The following TET1 variants were observed in gnomAD, a reference collection of about 807,000 sequenced individuals.
TET1 encodes methylcytosine dioxygenase TET1.
Under a neutral mutation model 148.7 loss-of-function variants are expected in TET1, and 13 were observed. That is an observed-to-expected ratio of 0.09 (90% confidence interval 0.06 to 0.14). The LOEUF (loss-of-function observed/expected upper bound fraction) is 0.14, where lower values mean the gene tolerates loss of function less well. Ranked by LOEUF, TET1 falls within the 10% of genes least tolerant of loss-of-function variation. The probability of loss-of-function intolerance (pLI) is 1.00; values close to 1 mark genes in which losing one functional copy is unlikely to be tolerated. For missense variants in TET1, 2,182 were observed against 2,553.8 expected, an observed-to-expected ratio of 0.85 and a Z score of 3.14; for synonymous variants, 907 against 937.2, an observed-to-expected ratio of 0.97 and a Z score of 0.59.
chr10:68,608,895 T>C (rs1373947075), intron 3 of TET1, among the ~76,000 whole-genome samples: 2 of 152,164 alleles, frequency 1.3e-5, no homozygotes, highest in Non-Finnish European at 2.9e-5. Context: ...TCTCAAATGT[T>C]GCCCAGGGTG....
rs574232899 is a variant in TET1, at chr10:68,694,070, G to C, written c.*2256G>C. On this transcript the variant is annotated 3_prime_UTR_variant, in exon 12 of 12. Transcript: ENST00000373644. ...AGTATAATCCATGGTAATGTATGCAGTAATTCAAATTGATCTCTCTCTCAA... is the reference window on the plus strand; with the variant it reads ...AGTATAATCCATGGTAATGTATGCACTAATTCAAATTGATCTCTCTCTCAA... 12 of 232,038 alleles carry C rather than the reference G, an allele frequency of 5.2e-5. No homozygotes were observed. The South Asian group carries it at 2.0e-3, about 38-fold the overall frequency. 14.4% of individuals were successfully genotyped at this position (232,038 alleles called of 1,614,324 possible).
chr10:68,621,725 A>G (rs1202815307), intron 3 of TET1, among the ~76,000 whole-genome samples: 2 of 152,178 alleles, frequency 1.3e-5, no homozygotes, highest in African/African-American at 4.8e-5. Context: ...ACTTTAATAA[A>G]ATCAAAGAAA....
At chr10:68,614,993 G>A (rs868837648) in intron 3 of TET1, among the ~76,000 whole-genome samples, 1 of 151,346 alleles carries the variant, frequency 6.6e-6, no homozygotes, top group African/African-American at 2.4e-5. Context: ...ACTCCAACGT[G>A]GTGTGATATC....
rs71019047 is a variant in TET1, at chr10:68,652,845, A to ATTT, written c.4461+274_4461+276dup. 8.1e-4 allele frequency among the ~76,000 whole-genome samples: 82 copies of ATTT among 101,204 alleles called. 1 individual carries two copies. The highest frequency in any genetic ancestry group is 9.2e-4 in the Non-Finnish European group (49 of 53,472). 66.4% of individuals were successfully genotyped at this position (101,204 alleles called of 152,430 possible). On this transcript the variant is annotated intron_variant, in intron 6 of 11. Transcript: ENST00000373644. ...TAAGACTTGCCACCAAACCCGGCTA[A>ATTT]TTTTTTTTTTTTTTTTTTTTTTTTT...
chr10:68,627,697 C>T (rs903064706), intron 3 of TET1, among the ~76,000 whole-genome samples: 4 of 151,354 alleles, frequency 2.6e-5, no homozygotes, highest in African/African-American at 4.9e-5. Context: ...GAGGCCGAGA[C>T]GGCAAATCAC....
chr10:68,561,518 T>C (rs1043560273), intron 1 of TET1, among the ~76,000 whole-genome samples: 2 of 152,056 alleles, frequency 1.3e-5, no homozygotes, highest in Admixed American at 6.6e-5. Context: ...ATCCCATCAG[T>C]CCCCGTCTGG....
intron 6 of TET1, among the ~76,000 whole-genome samples, chr10:68,659,509 G>A (rs1316969217): frequency 6.6e-6 from 1 of 151,974 alleles, no homozygotes. Context: ...AGTAGAGGTG[G>A]GGTTTCACCA....
Position 68,694,200 on chromosome 10 carries a change from A to G in TET1, c.*2386A>G, listed in dbSNP as rs2055627324. The G allele has an allele frequency of 4.3e-6, 1 of 232,702 alleles. No individual in the cohort carries two copies. The highest frequency in any genetic ancestry group is 8.5e-6 in the Non-Finnish European group (1 of 117,754). The allele number at this position is 232,702 out of a possible 1,614,324, so 14.4% of individuals were successfully genotyped here. ...TACCAAAACAAGTATTTGAAAATATATAGTATCAACTGAAATGTTTCCATT... is the reference window on the plus strand; with the variant it reads ...TACCAAAACAAGTATTTGAAAATATGTAGTATCAACTGAAATGTTTCCATT... On this transcript the variant is annotated 3_prime_UTR_variant, in exon 12 of 12. Coordinates refer to ENST00000373644, the MANE Select transcript of TET1 (RefSeq NM_030625.3).
rs1346578352 is a variant in TET1, at chr10:68,645,820, T to C, written c.3091T>C (p.Cys1031Arg). ...IAQGIITLDNCSNDLHQLPPR... is the reference protein window; with the variant it reads ...IAQGIITLDNRSNDLHQLPPR... ...TCAAGGGATAATTACTCTTGACAAT[T>C]GTTCCAATGATTTGCATCAGTTGCC... Residue 1031 changes from cysteine (C) to arginine (R), a missense_variant, in exon 4 of 12, where the codon TGT becomes CGT. Physicochemically the swap from Cys to Arg is radical, Grantham distance 180. Transcript: ENST00000373644. 2.5e-6 allele frequency: 4 copies of C among 1,613,986 alleles called. No homozygotes were observed. The highest frequency in any genetic ancestry group is 3.4e-6 in the Non-Finnish European group (4 of 1,180,004).
At chr10:68,636,516 G>C (rs1288865691) in intron 3 of TET1, among the ~76,000 whole-genome samples, 1 of 152,164 alleles carries the variant, frequency 6.6e-6, no homozygotes, top group African/African-American at 2.4e-5. Flanking sequence ...CCAGGAATTT[G>C]ACACTACTAG....
At chr10:68,597,098 A>T (rs181145002) in intron 2 of TET1, among the ~76,000 whole-genome samples, 2 of 137,638 alleles carry the variant, frequency 1.5e-5, no homozygotes, top group South Asian at 2.4e-4. Flanking sequence ...CAGTGGCACG[A>T]TCTCGGCTCA....
Position 68,568,153 on chromosome 10 carries a change from C to T in TET1, c.-122-4064C>T, listed in dbSNP as rs545384007. ...TTGGCCTCCCAAAGTGCTGGGATTACAGGCGTGAGCCACTGCACTGCGCCC... is the reference window on the plus strand; with the variant it reads ...TTGGCCTCCCAAAGTGCTGGGATTATAGGCGTGAGCCACTGCACTGCGCCC... On this transcript the variant is annotated intron_variant, in intron 1 of 11. Transcript: ENST00000373644. 2.0e-5 allele frequency among the ~76,000 whole-genome samples: 3 copies of T among 151,742 alleles called. No individual in the cohort carries two copies. The East Asian group carries it at 5.8e-4, about 30-fold the overall frequency.
intron 7 of TET1, among the ~76,000 whole-genome samples, chr10:68,672,477 G>A (rs1387248347): frequency 5.0e-5 from 4 of 80,514 alleles, no homozygotes; most frequent in Non-Finnish European, 8.6e-5. Context: ...GACAGGGCTA[G>A]ACCCCATCTC....
At chr10:68,607,171 TAAAA>T (rs34408803) in intron 3 of TET1, among the ~76,000 whole-genome samples, 2 of 142,582 alleles carry the variant, frequency 1.4e-5, no homozygotes, top group African/African-American at 5.1e-5. Flanking sequence ...TTCAGGCTAT[TAAAA>T]AAAAAAAAAA....
At chr10:68,616,281 A>G (rs1034773658) in intron 3 of TET1, among the ~76,000 whole-genome samples, 1 of 150,332 alleles carries the variant, frequency 6.7e-6, no homozygotes, top group African/African-American at 2.4e-5. Context: ...TAGTCTTTCA[A>G]TCTGATATTT....
At chr10:68,624,660 C>CTTTCTTTCTTTCTTTCTTTCTG (rs1462948714) in intron 3 of TET1, among the ~76,000 whole-genome samples, 1 of 74,458 alleles carries the variant, frequency 1.3e-5, no homozygotes, top group Non-Finnish European at 2.6e-5. Context: ...TTCTTTCTTT[C>CTTTCTTTCTTTCTTTCTTTCTG]TCTCTCTCTC....
chr10:68,624,191 G>A (rs1183279307), intron 3 of TET1, among the ~76,000 whole-genome samples: 1 of 151,462 alleles, frequency 6.6e-6, no homozygotes, highest in Non-Finnish European at 1.5e-5. Flanking sequence ...CCCCATCCCG[G>A]GTTCAAGCAA....
intron 6 of TET1, among the ~76,000 whole-genome samples, chr10:68,659,995 T>C (rs2185741): frequency 0.18 from 27,692 of 152,188 alleles, 3,145 homozygotes; most frequent in African/African-American, 0.31. Context: ...AGTTGGCCAC[T>C]ATAATTTTGT....
chr10:68,667,576 C>T (rs1348218018), intron 7 of TET1, among the ~76,000 whole-genome samples: 1 of 151,842 alleles, frequency 6.6e-6, no homozygotes, highest in East Asian at 1.9e-4. Flanking sequence ...TAATATGTCT[C>T]CACTATAAAT....
Sources: allele counts gnomAD v4.1 joint callset (sites outside exome capture counted in the v4.1 genomes callset), GRCh38; gene constraint gnomAD v4.1.1; transcripts MANE v1.5; gene names NCBI Gene and HGNC (gene_info 2026-07-23, HGNC 2026-07-21).